Variants in PDE1A observed in about 807,000 individuals in gnomAD.
PDE1A encodes dual specificity calcium/calmodulin-dependent 3',5'-cyclic nucleotide phosphodiesterase 1A.
PDE1A carries 35 observed loss-of-function variants against 61.7 expected under a neutral mutation model. The observed-to-expected ratio is 0.57, with a 90% CI of 0.43 to 0.75. PDE1A has a LOEUF of 0.75. Ranked by LOEUF, PDE1A falls within the 30% of genes least tolerant of loss-of-function variation. The pLI is 0.00. For missense variants in PDE1A, 597 were observed against 630.6 expected, an observed-to-expected ratio of 0.95 and a Z score of 0.57; for synonymous variants, 232 against 213.2, an observed-to-expected ratio of 1.09 and a Z score of -0.77.
intron 1 of PDE1A, among the ~76,000 whole-genome samples, chr2:182,391,776 T>A (rs1466259073): frequency 6.6e-6 from 1 of 152,220 alleles, no homozygotes; most frequent in East Asian, 1.9e-4. Context: ...ATCAGAATAG[T>A]CTGATTCATG....
downstream of PDE1A, among the ~76,000 whole-genome samples, chr2:182,143,924 A>G (rs1482624152): frequency 6.6e-6 from 1 of 152,102 alleles, no homozygotes; most frequent in East Asian, 1.9e-4. Flanking sequence ...GTGTGTGTTC[A>G]ATTCCAGTAA....
At chr2:182,307,898 C>G (rs759354383) in intron 1 of PDE1A, among the ~76,000 whole-genome samples, 1 of 152,002 alleles carries the variant, frequency 6.6e-6, no homozygotes, top group Non-Finnish European at 1.5e-5. Context: ...TGAAAGATGA[C>G]AAGTTGTTGG....
intron 7 of PDE1A, among the ~76,000 whole-genome samples, chr2:182,217,767 C>G (rs891539473): frequency 5.4e-5 from 8 of 147,018 alleles, no homozygotes; most frequent in African/African-American, 2.0e-4. Flanking sequence ...AGTCAGGAAA[C>G]AACAGGTGCT....
intron 2 of PDE1A, among the ~76,000 whole-genome samples, chr2:182,438,578 CA>C (rs1352066053): frequency 6.6e-6 from 1 of 151,838 alleles, no homozygotes; most frequent in Non-Finnish European, 1.5e-5. Context: ...GGAAGTTCAT[CA>C]GGGGAAAATT....
Position 182,368,071 on chromosome 2 carries a change from C to A in PDE1A, c.53+58507G>T, listed in dbSNP as rs537855927. 5.8e-4 allele frequency among the ~76,000 whole-genome samples: 88 copies of A among 152,198 alleles called. 3 individuals are homozygous for A. In the South Asian group the frequency reaches 0.018, roughly 32 times the overall value. On this transcript the variant is annotated intron_variant, in intron 1 of 13. Transcript: ENST00000351439. ...ACTTCAACAATTATCAATAGTTTGC[C>A]AATCTTTTCTCATCTATCTCCACCT...
chr2:182,516,837 G>A (rs1038210815), intron 2 of PDE1A, among the ~76,000 whole-genome samples: 11 of 49,870 alleles, frequency 2.2e-4, no homozygotes, highest in African/African-American at 5.7e-4. Flanking sequence ...AAGGAAGGGA[G>A]GGAGGGAGGG....
chr2:182,656,864 C>T, the PDE1A span, among the ~76,000 whole-genome samples: 1 of 152,134 alleles, frequency 6.6e-6, no homozygotes, highest in Admixed American at 6.6e-5. Context: ...TGTGATTAGT[C>T]ATTTTCTTCT....
intron 1 of PDE1A, among the ~76,000 whole-genome samples, chr2:182,301,638 T>A (rs1695250347): frequency 6.6e-6 from 1 of 152,152 alleles, no homozygotes. Context: ...AAACAGTGAG[T>A]ATGCTGACAC....
chr2:182,267,532 T>A (rs1258744676), intron 1 of PDE1A, among the ~76,000 whole-genome samples: 2 of 152,068 alleles, frequency 1.3e-5, no homozygotes, highest in Non-Finnish European at 2.9e-5. Flanking sequence ...ACTCGTTTTT[T>A]CTCCTTTGCT....
chr2:182,143,086 G>A (rs1196670243), downstream of PDE1A: 1 of 152,150 alleles, frequency 6.6e-6, no homozygotes, highest in Non-Finnish European at 1.5e-5. Context: ...GAAAGAGTGG[G>A]AAGTGGTTGG....
At chr2:182,312,868 T>C (rs1696081876) in intron 1 of PDE1A, among the ~76,000 whole-genome samples, 2 of 152,096 alleles carry the variant, frequency 1.3e-5, no homozygotes, top group South Asian at 4.1e-4. Context: ...ACTGGGGTTA[T>C]ATTGAAATTG....
chr2:182,295,829 A>T (rs1694846701), intron 1 of PDE1A, among the ~76,000 whole-genome samples: 1 of 152,210 alleles, frequency 6.6e-6, no homozygotes, highest in South Asian at 2.1e-4. Flanking sequence ...AGAAACCTGG[A>T]TGTTGTTAAC....
chr2:182,397,496 A>T (rs1030789944), intron 1 of PDE1A, among the ~76,000 whole-genome samples: 2 of 152,166 alleles, frequency 1.3e-5, no homozygotes, highest in Admixed American at 6.5e-5. Flanking sequence ...TTTCCCTGAA[A>T]AAAAGTTATA....
chr2:182,243,965 T>G (rs1308955804), intron 2 of PDE1A, among the ~76,000 whole-genome samples: 1 of 152,148 alleles, frequency 6.6e-6, no homozygotes, highest in East Asian at 1.9e-4. Flanking sequence ...CCTCCCGGGT[T>G]CAAGCGATTC....
chr2:182,659,650 C>T, the PDE1A span, among the ~76,000 whole-genome samples: 2 of 152,126 alleles, frequency 1.3e-5, no homozygotes, highest in Non-Finnish European at 2.9e-5. Context: ...CTCAAAATTC[C>T]TTGGTTGGAT....
At chr2:182,585,241 A>G in the PDE1A span, among the ~76,000 whole-genome samples, 34 of 152,190 alleles carry the variant, frequency 2.2e-4, 1 homozygote, top group Non-Finnish European at 4.4e-4. Flanking sequence ...TCCTGATGAA[A>G]ATTAGATTCG....
chr2:182,150,250 G>C (rs1690705571), intron 13 of PDE1A, among the ~76,000 whole-genome samples: 1 of 152,142 alleles, frequency 6.6e-6, no homozygotes, highest in East Asian at 1.9e-4. Context: ...TAAGTATTCT[G>C]ACCCTCTCTA....
intron 2 of PDE1A, among the ~76,000 whole-genome samples, chr2:182,497,467 G>C (rs1399323212): frequency 6.6e-6 from 1 of 152,180 alleles, no homozygotes; most frequent in African/African-American, 2.4e-5. Flanking sequence ...TCAGTACCTG[G>C]TAACTATTGT....
chr2:182,656,591 C>T, the PDE1A span, among the ~76,000 whole-genome samples: 7 of 152,242 alleles, frequency 4.6e-5, no homozygotes, highest in South Asian at 1.0e-3. Context: ...AAAATGGAAA[C>T]GAATCTTTAA....
Sources: gnomAD v4.1 joint callset for allele counts (sites outside exome capture counted in the v4.1 genomes callset) on GRCh38, gnomAD v4.1.1 for gene constraint, MANE v1.5 for transcripts, NCBI Gene and HGNC (gene_info 2026-07-23, HGNC 2026-07-21) for gene names.